The following TBC1D21 variants were observed in gnomAD, a reference collection of about 807,000 sequenced individuals.
TBC1D21 encodes TBC1 domain family member 21.
TBC1D21 carries 38 observed loss-of-function variants against 46.0 expected under a neutral mutation model. The ratio of observed to expected loss-of-function variants is 0.83; its 90% CI spans 0.64 to 1.08. TBC1D21 has a LOEUF of 1.08. Among genes scored for constraint, TBC1D21 ranks in the 50% least tolerant of loss-of-function variants. The pLI is 0.00. For synonymous variants in TBC1D21, 151 were observed against 157.2 expected, an observed-to-expected ratio of 0.96 and a Z score of 0.29; for missense variants, 415 against 417.9, an observed-to-expected ratio of 0.99 and a Z score of 0.06.
At chr15:73,887,276 T>A (rs1004526690) in intron 8 of TBC1D21, among the ~76,000 whole-genome samples, 4 of 152,166 alleles carry the variant, frequency 2.6e-5, no homozygotes, top group African/African-American at 9.7e-5. Flanking sequence ...TTAATTCCCA[T>A]CAACCCTTGC....
intron 3 of TBC1D21, among the ~76,000 whole-genome samples, chr15:73,883,183 G>A (rs2068184137): frequency 6.6e-6 from 1 of 152,242 alleles, no homozygotes; most frequent in African/African-American, 2.4e-5. Context: ...ACAGAATGTG[G>A]AAAAGATTCA....
the TBC1D21 span, among the ~76,000 whole-genome samples, chr15:73,899,941 G>A: frequency 2.0e-5 from 3 of 152,242 alleles, no homozygotes; most frequent in African/African-American, 4.8e-5. Flanking sequence ...CTGCACAGGG[G>A]ACTGGGCCAA....
downstream of TBC1D21, among the ~76,000 whole-genome samples, chr15:73,890,585 G>A (rs993308257): frequency 6.6e-6 from 1 of 152,210 alleles, no homozygotes; most frequent in African/African-American, 2.4e-5. Flanking sequence ...ATCTTGCTGA[G>A]CTAGTTTTGG....
intron 1 of TBC1D21, among the ~76,000 whole-genome samples, chr15:73,878,217 A>G (rs1567063425): frequency 6.6e-6 from 1 of 152,262 alleles, no homozygotes; most frequent in Non-Finnish European, 1.5e-5. Context: ...CTTTATGTCC[A>G]CGCAGTCTCT....
chr15:73,893,239 C>T (rs562881284), downstream of TBC1D21, among the ~76,000 whole-genome samples: 24 of 152,128 alleles, frequency 1.6e-4, no homozygotes, highest in Admixed American at 1.4e-3. Flanking sequence ...GTGGTGAGGG[C>T]AATCATGGTG....
At chr15:73,876,774 G>A (rs943928990) in intron 1 of TBC1D21, among the ~76,000 whole-genome samples, 3 of 151,674 alleles carry the variant, frequency 2.0e-5, no homozygotes, top group African/African-American at 7.3e-5. Flanking sequence ...ACTTTTTTTC[G>A]TATCTTTGTT....
chr15:73,908,969 C>A, the TBC1D21 span, among the ~76,000 whole-genome samples: 4 of 152,248 alleles, frequency 2.6e-5, no homozygotes, highest in African/African-American at 7.2e-5. Context: ...AGAGTGCCTG[C>A]ACTGCCTCTC....
chr15:73,894,029 T>A (rs1426073806), downstream of TBC1D21, among the ~76,000 whole-genome samples: 1 of 152,212 alleles, frequency 6.6e-6, no homozygotes, highest in Non-Finnish European at 1.5e-5. Context: ...CCCTCATGAC[T>A]GAATTCAAAC....
chr15:73,888,639 T>TTCTTCCTCCTCC, intron 10 of TBC1D21, 126 bp downstream of exon 10: 5 of 674,024 alleles, frequency 7.4e-6, no homozygotes, highest in Non-Finnish European at 1.3e-5. Flanking sequence ...CCTCCTCCTC[T>TTCTTCCTCCTCC]TCTTCTTCCT....
intron 3 of TBC1D21, 51 bp downstream of exon 3, chr15:73,881,798 G>T: frequency 6.5e-7 from 1 of 1,529,488 alleles, no homozygotes; most frequent in Non-Finnish European, 9.0e-7. Flanking sequence ...GCAGGTGGCA[G>T]GTGCTGCCTC....
At chr15:73,877,150 A>C (rs926688651) in intron 1 of TBC1D21, among the ~76,000 whole-genome samples, 2 of 152,224 alleles carry the variant, frequency 1.3e-5, no homozygotes, top group African/African-American at 4.8e-5. Flanking sequence ...CTGGCACATC[A>C]TCAATTGCTT....
In TBC1D21 at chr15:73,884,782, A is replaced by G. The variant is rs748291072; in HGVS notation, c.369A>G (p.Ala123=). The stretch of plus-strand genomic sequence containing the variant: ...ACTTGCCCCTTGCTTCCAACCTAGC[A>G]CGTGACATTCAGAAAATCTATGACA... ...RNFTETRNNI[A]RDIQKIYDKD... The change falls in exon 5 of 11, where the codon GCA becomes GCG. Residue 123 remains alanine, a splice_region_variant and synonymous_variant. Transcript: ENST00000300504. The G allele has an allele frequency of 1.2e-6, 2 of 1,613,486 alleles. No individual in the cohort carries two copies. Among genetic ancestry groups the G allele is most frequent in the South Asian group, 2.2e-5 (2 of 91,010 alleles).
At chr15:73,901,158 G>A in the TBC1D21 span, among the ~76,000 whole-genome samples, 2 of 152,186 alleles carry the variant, frequency 1.3e-5, no homozygotes, top group Non-Finnish European at 2.9e-5. Flanking sequence ...GGCCTGCTTC[G>A]GGACCAAGGT....
At chr15:73,896,297 G>A in the TBC1D21 span, among the ~76,000 whole-genome samples, 1 of 152,204 alleles carries the variant, frequency 6.6e-6, no homozygotes, top group Non-Finnish European at 1.5e-5. Context: ...TGGCAATGCC[G>A]AGGTGAGGGG....
intron 4 of TBC1D21, among the ~76,000 whole-genome samples, chr15:73,884,556 C>T (rs2068208337): frequency 6.6e-6 from 1 of 152,196 alleles, no homozygotes; most frequent in Non-Finnish European, 1.5e-5. Context: ...GAGGACATTC[C>T]TGGCCGAGGG....
downstream of TBC1D21, among the ~76,000 whole-genome samples, chr15:73,889,613 A>C (rs1301875632): frequency 6.6e-6 from 1 of 152,192 alleles, no homozygotes; most frequent in African/African-American, 2.4e-5. Flanking sequence ...TTTTTTCCAG[A>C]GATTTCCTGC....
chr15:73,883,466 G>A (rs961688376), intron 3 of TBC1D21, among the ~76,000 whole-genome samples: 4 of 152,214 alleles, frequency 2.6e-5, no homozygotes, highest in South Asian at 2.1e-4. Flanking sequence ...GGCTCCCGGT[G>A]TTCCTCAGCT....
chr15:73,877,644 G>C (rs1322967300), intron 1 of TBC1D21, among the ~76,000 whole-genome samples: 1 of 151,130 alleles, frequency 6.6e-6, no homozygotes, highest in Non-Finnish European at 1.5e-5. Flanking sequence ...TGATTCTTGT[G>C]AACATGGATG....
chr15:73,884,981 C>CA, intron 5 of TBC1D21, 22 bp from the exon 6 acceptor site: 1 of 1,610,496 alleles, frequency 6.2e-7, no homozygotes, highest in Non-Finnish European at 8.5e-7. Context: ...GCCCCTCCTC[C>CA]CCAACCCCCT....
Sources: allele counts gnomAD v4.1 joint callset (sites outside exome capture counted in the v4.1 genomes callset), GRCh38; gene constraint gnomAD v4.1.1; transcripts MANE v1.5; gene names NCBI Gene and HGNC (gene_info 2026-07-23, HGNC 2026-07-21).